Variants in DRGX observed in about 807,000 individuals in gnomAD.
DRGX encodes dorsal root ganglia homeobox protein.
Under a neutral mutation model 28.6 loss-of-function variants are expected in DRGX, and 21 were observed. The observed-to-expected ratio is 0.73, with a 90% confidence interval of 0.52 to 1.06. The LOEUF is 1.06. DRGX is among the 50% of genes least tolerant of loss of function. The pLI, the probability that DRGX is intolerant of heterozygous loss-of-function variation, is 0.00. For synonymous variants in DRGX, 136 were observed against 139.1 expected (o/e 0.98, Z 0.16); for missense variants, 354 against 343.9 (o/e 1.03, Z -0.23).
chr10:49,386,366 A>G, intron 6 of DRGX, 112 bp downstream of exon 6: 2 of 901,860 alleles, frequency 2.2e-6, no homozygotes, highest in Non-Finnish European at 1.6e-6. Flanking sequence ...GGAGGCGAGG[A>G]AGCTGCACAG....
At chr10:49,381,878 CAAAG>C (rs1849780695) in intron 6 of DRGX, among the ~76,000 whole-genome samples, 1 of 152,210 alleles carries the variant, frequency 6.6e-6, no homozygotes. Context: ...AGTAAGACCA[CAAAG>C]CCTGGGGAAG....
intron 6 of DRGX, among the ~76,000 whole-genome samples, chr10:49,373,972 C>T (rs1289179989): frequency 3.3e-5 from 5 of 152,208 alleles, no homozygotes; most frequent in Middle Eastern, 3.4e-3. Context: ...AGTTATTAAA[C>T]ATATGTTTAT....
intron 6 of DRGX, among the ~76,000 whole-genome samples, chr10:49,375,270 G>C (rs1029533590): frequency 6.6e-6 from 1 of 152,140 alleles, no homozygotes; most frequent in Non-Finnish European, 1.5e-5. Context: ...TGATGTATGT[G>C]CCTCCCAGAT....
intron 2 of DRGX, among the ~76,000 whole-genome samples, chr10:49,393,833 A>G (rs1310928756): frequency 3.3e-5 from 5 of 152,202 alleles, no homozygotes; most frequent in Non-Finnish European, 7.3e-5. Context: ...GAGCACAGTA[A>G]GCCAGCTGAG....
At chr10:49,389,815 T>C (rs1849880953) in intron 4 of DRGX, among the ~76,000 whole-genome samples, 1 of 151,546 alleles carries the variant, frequency 6.6e-6, no homozygotes, top group African/African-American at 2.4e-5. Context: ...TAGAATAGCA[T>C]CTCAGCTCTT....
At chr10:49,377,857 G>C (rs1196092824) in intron 6 of DRGX, among the ~76,000 whole-genome samples, 1 of 152,150 alleles carries the variant, frequency 6.6e-6, no homozygotes, top group Non-Finnish European at 1.5e-5. Context: ...ACTAACTTTT[G>C]GGGCAACCAC....
intron 4 of DRGX, among the ~76,000 whole-genome samples, chr10:49,387,991 A>G (rs1849859025): frequency 1.3e-5 from 2 of 152,198 alleles, no homozygotes; most frequent in Non-Finnish European, 2.9e-5. Context: ...GCATGTCTGC[A>G]AAACACCGAG....
Position 49,386,826 on chromosome 10 carries a change from C to A in DRGX, c.267G>T (p.Arg89Ser), listed in dbSNP as rs898504960. The change falls in exon 5 of 7, where the codon AGG (arginine) becomes AGT (serine). Residue 89 changes from arginine to serine, a missense_variant. Coordinates refer to ENST00000374139, the MANE Select transcript of DRGX (RefSeq NM_001276451.2). ...GGTCTGAGGCCCCTCTCTCTGTCTTCCTCCATTTGGCCCTTCTGTTCTGGA... is the reference window on the plus strand; with the variant it reads ...GGTCTGAGGCCCCTCTCTCTGTCTTACTCCATTTGGCCCTTCTGTTCTGGA... Reference protein sequence around the residue: ...VWFQNRRAKWRKTERGASDQE... With the variant: ...VWFQNRRAKWSKTERGASDQE... 2 of 1,586,742 alleles carry A rather than the reference C, an allele frequency of 1.3e-6. No homozygotes were observed. Among genetic ancestry groups the A allele is most frequent in the Non-Finnish European group, 1.7e-6 (2 of 1,169,746 alleles).
At chr10:49,392,210 T>C (rs1849914006) in intron 2 of DRGX, among the ~76,000 whole-genome samples, 1 of 152,242 alleles carries the variant, frequency 6.6e-6, no homozygotes, top group Non-Finnish European at 1.5e-5. Context: ...GGCTCTGTTC[T>C]CAGAATCACG....
chr10:49,369,903 C>T (rs1161894989), intron 6 of DRGX, among the ~76,000 whole-genome samples: 1 of 152,052 alleles, frequency 6.6e-6, no homozygotes, highest in African/African-American at 2.4e-5. Context: ...TTCAAAGCCC[C>T]TTGAGCTGCC....
intron 6 of DRGX, among the ~76,000 whole-genome samples, chr10:49,382,422 G>A (rs1397271565): frequency 1.3e-5 from 2 of 152,206 alleles, no homozygotes; most frequent in African/African-American, 2.4e-5. Context: ...GTTCAGGCCT[G>A]AGAAAAGGAG....
chr10:49,381,459 G>A (rs1162082810), intron 6 of DRGX, among the ~76,000 whole-genome samples: 6 of 152,222 alleles, frequency 3.9e-5, no homozygotes, highest in Non-Finnish European at 5.9e-5. Flanking sequence ...TCTCATGCAC[G>A]TGCTGCCCCA....
intron 6 of DRGX, among the ~76,000 whole-genome samples, chr10:49,371,397 A>AT (rs1439752035): frequency 6.6e-6 from 1 of 152,186 alleles, no homozygotes; most frequent in African/African-American, 2.4e-5. Context: ...TCGCACCTGT[A>AT]TTCCCAGCAC....
rs574127351 is a variant in DRGX at position 49,369,744 on chromosome 10, A to G, written c.527-3363T>C. Among the ~76,000 whole-genome samples, 296 of 152,192 alleles carry G rather than the reference A, an allele frequency of 1.9e-3. 1 individual carries two copies. Among genetic ancestry groups the G allele is most frequent in the South Asian group, 9.6e-3 (46 of 4,808 alleles). ...TAAGATGGTAAATTTTATGTTACGC[A>G]TGTTTTACCATAATCAAAAAGAAAA... is the stretch of plus-strand genomic sequence containing the variant. On this transcript the variant is annotated intron_variant, in intron 6 of 6. Transcript: ENST00000374139.
intron 6 of DRGX, among the ~76,000 whole-genome samples, chr10:49,377,911 A>G (rs1849733211): frequency 6.6e-6 from 1 of 151,482 alleles, no homozygotes; most frequent in Non-Finnish European, 1.5e-5. Flanking sequence ...AGATTATAAG[A>G]AAAAAACCAC....
intron 6 of DRGX, among the ~76,000 whole-genome samples, chr10:49,381,178 T>C (rs1322184049): frequency 6.6e-6 from 1 of 152,228 alleles, no homozygotes; most frequent in Non-Finnish European, 1.5e-5. Context: ...TCTGATTGCC[T>C]AGCTCTGTCC....
rs1849957122 is a variant in DRGX at position 49,395,442 on chromosome 10, G to C, written c.-2C>G. On this transcript the variant is annotated 5_prime_UTR_variant, in exon 2 of 7. Coordinates refer to ENST00000374139, the MANE Select transcript of DRGX (RefSeq NM_001276451.2). ...TGGCGGGCAGTGGAAATAAAACATC[G>C]CCGGCTGTCAGATCGGCTGGACGGC... is the stretch of plus-strand genomic sequence containing the variant. 1 of 1,550,116 alleles carries C rather than the reference G, an allele frequency of 6.5e-7. No individual in the cohort carries two copies. Among genetic ancestry groups the C allele is most frequent in the Non-Finnish European group, 8.7e-7 (1 of 1,146,900 alleles).
chr10:49,382,888 C>T (rs1311545908), intron 6 of DRGX, among the ~76,000 whole-genome samples: 3 of 152,256 alleles, frequency 2.0e-5, no homozygotes, highest in Non-Finnish European at 4.4e-5. Context: ...GAAACACAGA[C>T]TGCCACACTG....
chr10:49,386,509 G>T lies in DRGX; in HGVS notation c.495C>A (p.Ala165=). 1 of 1,585,634 alleles carries T rather than the reference G, an allele frequency of 6.3e-7. No homozygotes were observed. Among genetic ancestry groups the T allele is most frequent in the Non-Finnish European group, 8.6e-7 (1 of 1,166,072 alleles). ...PGTLLNTATY[A]QALSHVASLK... is the part of the protein sequence containing the mutation. ...GGGAAGCCACATGGGACAAGGCCTGGGCGTAGGTGGCCGTGTTCAGGAGAG... is the reference window on the plus strand; with the variant it reads ...GGGAAGCCACATGGGACAAGGCCTGTGCGTAGGTGGCCGTGTTCAGGAGAG... The change falls in exon 6 of 7, where the codon GCC becomes GCA. Residue 165 remains alanine (A), a synonymous_variant. Transcript: ENST00000374139.
Sources: gnomAD v4.1 joint callset for allele counts (sites outside exome capture counted in the v4.1 genomes callset) on GRCh38, gnomAD v4.1.1 for gene constraint, MANE v1.5 for transcripts, NCBI Gene and HGNC (gene_info 2026-07-23, HGNC 2026-07-21) for gene names.